The following MALRD1 variants were observed in gnomAD, a reference collection of about 807,000 sequenced individuals.
MALRD1 encodes MAM and LDL-receptor class A domain-containing protein 1.
Under a neutral mutation model 242.1 loss-of-function variants are expected in MALRD1, and 247 were observed. The ratio of observed to expected loss-of-function variants is 1.02; its 90% CI spans 0.92 to 1.13. MALRD1 has a LOEUF of 1.13. Among genes scored for constraint, MALRD1 ranks in the 50% most tolerant of loss-of-function variants. The probability of loss-of-function intolerance (pLI) is 0.00; values close to 1 mark genes in which losing one functional copy is unlikely to be tolerated. For synonymous variants in MALRD1, 995 were observed against 866.6 expected (o/e 1.15, Z -2.60); for missense variants, 2,989 against 2,533.1 (o/e 1.18, Z -3.86).
intron 2 of MALRD1, among the ~76,000 whole-genome samples, chr10:19,082,429 A>G (rs1351957206): frequency 6.6e-6 from 1 of 151,794 alleles, no homozygotes; most frequent in Admixed American, 6.6e-5. Flanking sequence ...TTGATTATAT[A>G]ATATCTACCT....
At chr10:19,061,300 A>G (rs1442720745) in intron 1 of MALRD1, among the ~76,000 whole-genome samples, 1 of 152,212 alleles carries the variant, frequency 6.6e-6, no homozygotes. Context: ...AATGGAAAAG[A>G]TATTCTGTGT....
At chr10:19,277,589 G>A (rs1055614629) in intron 19 of MALRD1, among the ~76,000 whole-genome samples, 1 of 152,144 alleles carries the variant, frequency 6.6e-6, no homozygotes, top group African/African-American at 2.4e-5. Context: ...CCTTGCTATA[G>A]TTTCACACAG....
Position 19,284,416 on chromosome 10 carries a change from C to A in MALRD1, c.3419+1235C>A, listed in dbSNP as rs577053898. 1.3e-3 allele frequency among the ~76,000 whole-genome samples: 166 copies of A among 127,036 alleles called. 3 individuals carry two copies. In the South Asian group the frequency reaches 0.019, roughly 15 times the overall value. The allele number at this position is 127,036 out of a possible 152,430, so 83.3% of individuals were successfully genotyped here. On this transcript the variant is annotated intron_variant, in intron 21 of 39. Transcript: ENST00000454679. ...TCCCTCCCCCCTCCCCCCACCCCAC[C>A]ACAGTCCCCAGAGTGTGATGTTCCC...
chr10:19,150,624 A>G lies in MALRD1; in HGVS notation c.1558+4280A>G, dbSNP rs570803692. Among the ~76,000 whole-genome samples the G allele has an allele frequency of 2.6e-5, 4 of 152,152 alleles. No individual in the cohort carries two copies. In the South Asian group the frequency reaches 8.3e-4, roughly 32 times the overall value. ...CTGTGGGAATTACAGGACTTAACTC[A>G]TTTGTTTCCCCTCTCTCAGAGATCA... On this transcript the variant is annotated intron_variant, in intron 11 of 39. Coordinates refer to ENST00000454679, the MANE Select transcript of MALRD1 (RefSeq NM_001142308.3).
rs1844382897 is a variant in MALRD1, at chr10:19,351,684, T to G, written c.4150-322T>G. Among the ~76,000 whole-genome samples, 4 of 152,344 alleles carry G rather than the reference T, an allele frequency of 2.6e-5. No homozygotes were observed. In the South Asian group the frequency reaches 8.3e-4, roughly 32 times the overall value. ...TGCATAGCAATTTAATGATCTTGTA[T>G]TCCTTTGACAATGGGCTCTAAGAGT... On this transcript the variant is annotated intron_variant, in intron 25 of 39. Transcript: ENST00000454679.
intron 10 of MALRD1, among the ~76,000 whole-genome samples, chr10:19,141,541 G>A (rs1165032276): frequency 1.3e-5 from 2 of 151,936 alleles, no homozygotes; most frequent in Non-Finnish European, 2.9e-5. Context: ...TTTATGTCAT[G>A]TATATTTTAC....
At chr10:19,675,529 C>T (rs1256956482) in intron 36 of MALRD1, among the ~76,000 whole-genome samples, 1 of 152,080 alleles carries the variant, frequency 6.6e-6, no homozygotes, top group African/African-American at 2.4e-5. Flanking sequence ...ATTGGGCCAC[C>T]CCAGACTTAA....
At chr10:19,466,531 G>A (rs554400042) in intron 29 of MALRD1, among the ~76,000 whole-genome samples, 1 of 152,210 alleles carries the variant, frequency 6.6e-6, no homozygotes, top group South Asian at 2.1e-4. Context: ...CACAGTTCTG[G>A]AGGCTGGAAG....
chr10:19,733,095 CTCTAAG>C (rs1248752796), intron 39 of MALRD1, among the ~76,000 whole-genome samples: 4 of 152,258 alleles, frequency 2.6e-5, no homozygotes, highest in South Asian at 2.1e-4. Flanking sequence ...AGATAGACTT[CTCTAAG>C]TCTATCTTTC....
At chr10:19,717,174 C>G (rs1473238580) in intron 38 of MALRD1, among the ~76,000 whole-genome samples, 1 of 152,140 alleles carries the variant, frequency 6.6e-6, no homozygotes. Context: ...AATACAAGTT[C>G]TGCTCCGAGA....
chr10:19,448,138 A>C (rs576113859), intron 28 of MALRD1, among the ~76,000 whole-genome samples: 1 of 152,228 alleles, frequency 6.6e-6, no homozygotes, highest in Admixed American at 6.5e-5. Flanking sequence ...GAAAACACGA[A>C]GTTATGAATG....
chr10:19,585,315 T>G (rs1837333705), intron 33 of MALRD1, among the ~76,000 whole-genome samples: 1 of 152,204 alleles, frequency 6.6e-6, no homozygotes. Flanking sequence ...AGTTTCTTTC[T>G]AGTCTCGATG....
intron 1 of MALRD1, among the ~76,000 whole-genome samples, chr10:19,056,638 C>G (rs564445729): frequency 1.3e-5 from 2 of 152,092 alleles, no homozygotes; most frequent in South Asian, 4.2e-4. Flanking sequence ...AACAGGTACA[C>G]TTTTACTTCT....
intron 18 of MALRD1, among the ~76,000 whole-genome samples, chr10:19,217,811 A>G (rs573376473): frequency 8.8e-4 from 134 of 152,200 alleles, no homozygotes; most frequent in African/African-American, 3.0e-3. Flanking sequence ...GGCATGAGCC[A>G]CCGCTCCCAA....
At chr10:19,599,564 A>G (rs1564473445) in intron 34 of MALRD1, among the ~76,000 whole-genome samples, 1 of 152,188 alleles carries the variant, frequency 6.6e-6, no homozygotes, top group Non-Finnish European at 1.5e-5. Flanking sequence ...GTTCACCAGG[A>G]GGGTTTCAAG....
At chr10:19,677,995 T>C (rs1292184019) in intron 36 of MALRD1, among the ~76,000 whole-genome samples, 1 of 152,142 alleles carries the variant, frequency 6.6e-6, no homozygotes, top group Non-Finnish European at 1.5e-5. Flanking sequence ...GTGGTCTTAC[T>C]TCTGAGTTCT....
At chr10:19,511,785 T>C (rs527845350) in intron 31 of MALRD1, among the ~76,000 whole-genome samples, 27 of 152,288 alleles carry the variant, frequency 1.8e-4, no homozygotes, top group African/African-American at 6.0e-4. Flanking sequence ...GCAGAAGTTA[T>C]CAACTATGAA....
At chr10:19,084,607 G>A (rs901114577) in intron 2 of MALRD1, among the ~76,000 whole-genome samples, 6 of 151,898 alleles carry the variant, frequency 4.0e-5, no homozygotes, top group African/African-American at 1.4e-4. Flanking sequence ...ATCAATGGTT[G>A]AGGAAAGTGA....
chr10:19,111,932 G>A (rs1020868627), intron 5 of MALRD1, among the ~76,000 whole-genome samples: 1 of 152,154 alleles, frequency 6.6e-6, no homozygotes, highest in Non-Finnish European at 1.5e-5. Context: ...CTTGGCTGGG[G>A]CTGCACTTTG....
Sources: allele counts gnomAD v4.1 joint callset (sites outside exome capture counted in the v4.1 genomes callset), GRCh38; gene constraint gnomAD v4.1.1; transcripts MANE v1.5; gene names NCBI Gene and HGNC (gene_info 2026-07-23, HGNC 2026-07-21).